The following SLC44A2 variants were observed in gnomAD, a reference collection of about 807,000 sequenced individuals.
The protein encoded by SLC44A2 is solute carrier family 44 member 2 (CTL2 blood group).
In SLC44A2, 57 loss-of-function variants were observed where a neutral mutation model predicts 90.8. That is an observed-to-expected ratio of 0.63 (90% CI 0.51 to 0.78). SLC44A2 has a LOEUF of 0.78. SLC44A2 is among the 30% of genes least tolerant of loss of function. The probability of loss-of-function intolerance (pLI) is 0.00; values close to 1 mark genes in which losing one functional copy is unlikely to be tolerated. For missense variants in SLC44A2, 794 were observed against 919.7 expected (o/e 0.86, Z 1.77); for synonymous variants, 355 against 360.7 (o/e 0.98, Z 0.18).
Position 10,644,220 on chromosome 19 carries a change from A to AGGG in SLC44A2, c.*836_*838dup, listed in dbSNP as rs1451645335. ...AGAGGAAAGAAACTAAACCCACCCA[A>AGGG]GGGATGATGTCAGGGGGAGAGGTGG... On this transcript the variant is annotated 3_prime_UTR_variant, in exon 22 of 22. Coordinates refer to ENST00000335757, the MANE Select transcript of SLC44A2 (RefSeq NM_020428.4). The AGGG allele has an allele frequency of 6.6e-6, 1 of 152,660 alleles. No homozygotes were observed. The highest frequency in any genetic ancestry group is 1.5e-5 in the Non-Finnish European group (1 of 68,064). The allele number at this position is 152,660 out of a possible 1,614,324, so 9.5% of individuals were successfully genotyped here.
intron 1 of SLC44A2, among the ~76,000 whole-genome samples, chr19:10,615,435 A>G (rs1021387721): frequency 4.0e-5 from 6 of 151,802 alleles, no homozygotes; most frequent in South Asian, 2.1e-4. Context: ...TTAGCCAGGC[A>G]TGGTGGCTCA....
At position 10,637,884 on chromosome 19, in the gene SLC44A2, C is replaced by A. The variant is rs762692921; in HGVS notation, c.1724C>A (p.Thr575Asn). 5.3e-5 allele frequency: 86 copies of A among 1,614,050 alleles called. No homozygotes were observed. In the Middle Eastern group the frequency reaches 1.2e-3, roughly 22 times the overall value. Residue 575 changes from threonine to asparagine, a missense_variant, in exon 18 of 22, where the codon ACC (threonine) becomes AAC (asparagine). Transcript: ENST00000335757. Reference protein sequence around the residue: ...MIAIYGTNFCTSARNAFFLLM... With the variant: ...MIAIYGTNFCNSARNAFFLLM... The stretch of plus-strand genomic sequence containing the variant: ...GCCATCTACGGCACCAATTTCTGCA[C>A]CTCGGCCAGGAATGCCTTCTTCCTG...
chr19:10,635,557 AG>A (rs1169082733), intron 14 of SLC44A2, 42 bp downstream of exon 14: 1 of 1,553,914 alleles, frequency 6.4e-7, no homozygotes, highest in Non-Finnish European at 8.8e-7. Context: ...TTGCCCCAGC[AG>A]GCCCCAGATG....
intron 20 of SLC44A2, 118 bp downstream of exon 20, chr19:10,638,433 T>C: frequency 1.0e-6 from 1 of 973,536 alleles, no homozygotes; most frequent in Non-Finnish European, 1.6e-6. Flanking sequence ...GATTATTTAT[T>C]CAGACCACAA....
chr19:10,642,392 T>C lies in SLC44A2; in HGVS notation c.1955T>C (p.Ile652Thr). The C allele has an allele frequency of 6.2e-7, 1 of 1,614,134 alleles. No homozygotes were observed. Among genetic ancestry groups the C allele is most frequent in the Non-Finnish European group, 8.5e-7 (1 of 1,180,006 alleles). The change falls in exon 21 of 22, where the codon ATT (isoleucine) becomes ACT (threonine). Residue 652 changes from isoleucine (I) to threonine (T), a missense_variant. Ile to Thr is a moderately conservative substitution (Grantham distance 89). Around this residue, in one of 3 missense-constraint regions of SLC44A2, gnomAD observed 12 missense variants for 34.7 expected, o/e 0.35. Coordinates refer to ENST00000335757, the MANE Select transcript of SLC44A2 (RefSeq NM_020428.4). ...ACGGTGATCGTTGGCTCCTACTTGA[T>C]TGCACACGGTTTCTTCAGCGTCTAT... The part of the protein sequence containing the change: ...ILTVIVGSYL[I>T]AHGFFSVYGM...
rs1049122530 is a variant in SLC44A2 at position 10,636,796 on chromosome 19, G to C, written c.1591+40G>C. The C allele has an allele frequency of 4.4e-6, 7 of 1,585,148 alleles. No individual in the cohort carries two copies. In the African/African-American group the frequency reaches 9.4e-5, roughly 21 times the overall value. ...CGGTTCGCATTAGCTCCTGTTGCGG[G>C]GCGAGGCTGAATAGCGAACCAGGAT... is the stretch of plus-strand genomic sequence containing the variant. On this transcript the variant is annotated intron_variant, in intron 16 of 21. Coordinates refer to ENST00000335757, the MANE Select transcript of SLC44A2 (RefSeq NM_020428.4).
intron 1 of SLC44A2, chr19:10,602,575 C>G: frequency 7.9e-7 from 1 of 1,270,342 alleles, no homozygotes; most frequent in Non-Finnish European, 1.0e-6. Flanking sequence ...GGAGCCGCCT[C>G]CGGTCAGGGG....
rs949113440 is a variant in SLC44A2 at position 10,631,539 on chromosome 19, A to T, written c.502+4A>T. 6.2e-6 allele frequency: 10 copies of T among 1,613,986 alleles called. No homozygotes were observed. The highest frequency in any genetic ancestry group is 7.6e-6 in the Non-Finnish European group (9 of 1,180,018). On this transcript the variant is annotated splice_donor_region_variant and intron_variant, in intron 7 of 21. Transcript: ENST00000335757. ...GTCCTCATCCCCAGCAAACCCTGTG[A>T]GTCAGGGGATCCCAGGAGGCTCAGG...
chr19:10,620,980 A>G (rs1010536480), upstream of SLC44A2, among the ~76,000 whole-genome samples: 7 of 152,094 alleles, frequency 4.6e-5, no homozygotes, highest in Non-Finnish European at 1.0e-4. Context: ...TTTAGGCTGC[A>G]GTGAGCTATG....
At chr19:10,627,632 C>T in intron 2 of SLC44A2, 90 bp from the exon 3 acceptor site, 1 of 1,366,570 alleles carries the variant, frequency 7.3e-7, no homozygotes, top group South Asian at 1.2e-5. Context: ...GTCCAAATAA[C>T]ACATGGATGA....
Position 10,638,076 on chromosome 19 carries a change from T to C in SLC44A2, c.1823T>C (p.Leu608Pro), listed in dbSNP as rs369601312. The C allele has an allele frequency of 6.2e-7, 1 of 1,614,056 alleles. No individual in the cohort carries two copies. The highest frequency in any genetic ancestry group is 8.5e-7 in the Non-Finnish European group (1 of 1,179,980). Residue 608 changes from leucine (L) to proline (P), a missense_variant, in exon 19 of 22, where the codon CTG becomes CCG. Leu to Pro is a moderately conservative substitution (Grantham distance 98). Coordinates refer to ENST00000335757, the MANE Select transcript of SLC44A2 (RefSeq NM_020428.4). ...TTCCTCTTCCTGTTGGGCAAACTTCTGATCGTTGGTAGTGTGGGTGAGTGC... is the reference window on the plus strand; with the variant it reads ...TTCCTCTTCCTGTTGGGCAAACTTCCGATCGTTGGTAGTGTGGGTGAGTGC... ...TDFLFLLGKL[L>P]IVGSVGILAF...
rs1371648986 is a variant in SLC44A2, at chr19:10,636,213, A to G, written c.1234-110A>G. The G allele has an allele frequency of 3.1e-6, 4 of 1,284,646 alleles. No homozygotes were observed. The Admixed American group carries it at 6.8e-5, about 22-fold the overall frequency. 79.6% of individuals were successfully genotyped at this position (1,284,646 alleles called of 1,614,324 possible). On this transcript the variant is annotated intron_variant, in intron 14 of 21. Coordinates refer to ENST00000335757, the MANE Select transcript of SLC44A2 (RefSeq NM_020428.4). ...ATTCCTTCCCTTAACTTCAATCCCTATGTCTCCTGTCCTACCTCATGGTTT... is the reference window on the plus strand; with the variant it reads ...ATTCCTTCCCTTAACTTCAATCCCTGTGTCTCCTGTCCTACCTCATGGTTT...
Position 10,637,867 on chromosome 19 carries a change from C to A in SLC44A2, c.1707C>A (p.Tyr569Ter). Residue 569 changes from tyrosine (Y) to a stop codon, truncating the protein, a stop_gained, in exon 18 of 22, where the codon TAC becomes TAA. Transcript: ENST00000335757. LOFTEE classifies it high-confidence loss of function. Reference sequence around the variant, plus strand: ...CCACTCTCCTCCAGATTGCCATCTACGGCACCAATTTCTGCACCTCGGCCA... The same window carrying A: ...CCACTCTCCTCCAGATTGCCATCTAAGGCACCAATTTCTGCACCTCGGCCA... ...NRNAYIMIAI[Y>*]GTNFCTSARN... 6.2e-7 allele frequency: 1 copy of A among 1,614,152 alleles called. No individual in the cohort carries two copies. Among genetic ancestry groups the A allele is most frequent in the Non-Finnish European group, 8.5e-7 (1 of 1,180,022 alleles).
upstream of SLC44A2, among the ~76,000 whole-genome samples, chr19:10,621,215 G>A (rs1599237360): frequency 1.3e-5 from 2 of 151,986 alleles, no homozygotes; most frequent in Admixed American, 1.3e-4. Flanking sequence ...AGCCAGGCAC[G>A]TTGGTGTGTG....
upstream of SLC44A2, chr19:10,602,492 C>A (rs773360693): frequency 1.6e-6 from 2 of 1,233,782 alleles, no homozygotes; most frequent in South Asian, 3.2e-5. Flanking sequence ...GGGCTGGGGT[C>A]GCGCTGGCTC....
intron 1 of SLC44A2, among the ~76,000 whole-genome samples, chr19:10,608,720 G>A (rs574931909): frequency 1.3e-5 from 2 of 151,800 alleles, no homozygotes; most frequent in South Asian, 2.1e-4. Context: ...TACAATCTCG[G>A]CTCACTGCAA....
upstream of SLC44A2, among the ~76,000 whole-genome samples, chr19:10,621,802 A>G (rs1325007807): frequency 6.6e-6 from 1 of 152,058 alleles, no homozygotes; most frequent in Admixed American, 6.6e-5. Flanking sequence ...GTAGTAATAG[A>G]AACAGGGTTT....
chr19:10,603,446 T>C (rs1230974256), intron 1 of SLC44A2, among the ~76,000 whole-genome samples: 1 of 152,128 alleles, frequency 6.6e-6, no homozygotes, highest in Non-Finnish European at 1.5e-5. Flanking sequence ...CCTCTTTGTG[T>C]GACAAGAACT....
At chr19:10,621,120 G>T (rs2066891872), upstream of SLC44A2, among the ~76,000 whole-genome samples, 2 of 152,020 alleles carry the variant, frequency 1.3e-5, no homozygotes, top group Non-Finnish European at 2.9e-5. Flanking sequence ...AGGCCAAGGT[G>T]GGCAGATCAC....
Sources: gnomAD v4.1 joint callset for allele counts (sites outside exome capture counted in the v4.1 genomes callset) on GRCh38, gnomAD v4.1.1 for gene constraint, gnomAD v4.1.1 regional missense constraint, MANE v1.5 for transcripts, NCBI Gene and HGNC (gene_info 2026-07-23, HGNC 2026-07-21) for gene names.